THSD7A: variants seen among roughly 807,000 people sequenced by gnomAD.
THSD7A encodes thrombospondin type-1 domain-containing protein 7A.
THSD7A carries 96 observed loss-of-function variants against 231.3 expected under a neutral mutation model. The observed-to-expected ratio is 0.41, with a 90% CI of 0.35 to 0.49. The LOEUF (loss-of-function observed/expected upper bound fraction) is 0.49. Ranked by LOEUF, THSD7A falls within the 20% of genes least tolerant of loss-of-function variation. THSD7A has a pLI of 0.05. For missense variants in THSD7A, 2,290 were observed against 2,070.2 expected (o/e 1.11, Z -2.06); for synonymous variants, 940 against 743.3 (o/e 1.26, Z -4.30).
intron 23 of THSD7A, among the ~76,000 whole-genome samples, chr7:11,392,135 C>T (rs182652460): frequency 6.6e-6 from 1 of 152,106 alleles, no homozygotes. Flanking sequence ...TGCCAGCCTG[C>T]AGCTTCCAGT....
Position 11,406,283 on chromosome 7 carries a change from T to G in THSD7A, c.4237+17A>C, listed in dbSNP as rs756375799. The stretch of plus-strand genomic sequence containing the variant: ...GAAAAAATAATCAGAATATGAATTC[T>G]CCTTTGCCGTTGTTACCTGGGCAAG... On this transcript the variant is annotated intron_variant, in intron 22 of 27. Coordinates refer to ENST00000423059, the MANE Select transcript of THSD7A (RefSeq NM_015204.3). This position sits in a 1 kb window ranked among gnomAD's most constrained non-coding sequence, Gnocchi z 4.7. 1.1e-5 allele frequency: 17 copies of G among 1,591,400 alleles called. No individual in the cohort carries two copies. Among genetic ancestry groups the G allele is most frequent in the Non-Finnish European group, 1.2e-5 (14 of 1,170,278 alleles).
At chr7:11,437,862 T>C (rs560569061) in intron 13 of THSD7A, among the ~76,000 whole-genome samples, 3 of 152,062 alleles carry the variant, frequency 2.0e-5, no homozygotes, top group Non-Finnish European at 4.4e-5. Context: ...GGTTGAGTGG[T>C]CAGGTGGGTT....
intron 4 of THSD7A, among the ~76,000 whole-genome samples, chr7:11,558,977 G>C (rs1211684144): frequency 8.7e-6 from 1 of 114,304 alleles, no homozygotes; most frequent in Non-Finnish European, 2.0e-5. Flanking sequence ...AGATGAGATG[G>C]AAGAAAAAGG....
At chr7:11,395,455 C>G (rs532158847) in intron 23 of THSD7A, among the ~76,000 whole-genome samples, 12 of 151,800 alleles carry the variant, frequency 7.9e-5, no homozygotes, top group Non-Finnish European at 1.5e-4. Context: ...TTGAACTAAG[C>G]TGTGGACCAA....
chr7:11,747,423 T>A (rs1409610641), intron 1 of THSD7A, among the ~76,000 whole-genome samples: 1 of 151,984 alleles, frequency 6.6e-6, no homozygotes, highest in Non-Finnish European at 1.5e-5. Flanking sequence ...AATTTGAGAA[T>A]ACCAAAATAC....
At chr7:11,614,274 G>T (rs918744965) in intron 2 of THSD7A, among the ~76,000 whole-genome samples, 1 of 152,158 alleles carries the variant, frequency 6.6e-6, no homozygotes, top group Non-Finnish European at 1.5e-5. Flanking sequence ...CATAAATGGT[G>T]AGCGCTTCCA....
intron 2 of THSD7A, among the ~76,000 whole-genome samples, chr7:11,596,497 C>A (rs1333086511): frequency 6.6e-6 from 1 of 152,142 alleles, no homozygotes; most frequent in Non-Finnish European, 1.5e-5. Flanking sequence ...CGGACAGAAC[C>A]CCCACATTGG....
chr7:11,794,719 C>G (rs1451605503), intron 1 of THSD7A, among the ~76,000 whole-genome samples: 1 of 151,846 alleles, frequency 6.6e-6, no homozygotes, highest in Admixed American at 6.6e-5. Context: ...AAAAATAAGT[C>G]TTTTTGCCAG....
chr7:11,629,802 G>A (rs991651537), intron 2 of THSD7A, among the ~76,000 whole-genome samples: 2 of 152,192 alleles, frequency 1.3e-5, no homozygotes, highest in East Asian at 3.9e-4. Context: ...TGCCAAGAAA[G>A]ATATATAGGA....
intron 6 of THSD7A, among the ~76,000 whole-genome samples, chr7:11,508,188 A>G (rs1787637782): frequency 6.6e-6 from 1 of 152,226 alleles, no homozygotes; most frequent in Admixed American, 6.5e-5. Flanking sequence ...TACAATTTGG[A>G]TTACAATTCA....
At chr7:11,449,258 C>G (rs1284836240) in intron 11 of THSD7A, among the ~76,000 whole-genome samples, 1 of 152,040 alleles carries the variant, frequency 6.6e-6, no homozygotes, top group East Asian at 1.9e-4. Flanking sequence ...ATATTTTCAC[C>G]TGCATCAGAA....
At chr7:11,787,458 AG>A (rs1284049933) in intron 1 of THSD7A, among the ~76,000 whole-genome samples, 1 of 152,134 alleles carries the variant, frequency 6.6e-6, no homozygotes, top group Non-Finnish European at 1.5e-5. Flanking sequence ...CACTGCTAAA[AG>A]AATGAGAAGA....
intron 1 of THSD7A, among the ~76,000 whole-genome samples, chr7:11,646,902 G>A (rs761836074): frequency 6.6e-6 from 1 of 152,070 alleles, no homozygotes; most frequent in Non-Finnish European, 1.5e-5. Flanking sequence ...AAGAATAAGA[G>A]AAGGAGAAAT....
Position 11,474,565 on chromosome 7 carries a change from C to T in THSD7A, c.2021G>A (p.Gly674Glu), listed in dbSNP as rs918955133. The change falls in exon 8 of 28, where the codon GGA becomes GAA. Residue 674 changes from glycine to glutamate, a missense_variant. Transcript: ENST00000423059. The surrounding 1 kb of genome is among the most constrained non-coding windows in gnomAD (Gnocchi z 4.1). ...AGCACTGCTATTTGGACAGCGAATT[C>T]CACCTAAAAACATGGACAATGATAG... ...SILAYAGEEG[G>E]IRCPNSSALQ... is the part of the protein sequence containing the mutation. 6.3e-7 allele frequency: 1 copy of T among 1,586,216 alleles called. No individual in the cohort carries two copies.
intron 2 of THSD7A, among the ~76,000 whole-genome samples, chr7:11,605,015 A>C (rs751379737): frequency 6.6e-5 from 10 of 151,940 alleles, no homozygotes; most frequent in Non-Finnish European, 1.3e-4. Flanking sequence ...CGGTGGGACC[A>C]TGAGGACTGT....
At chr7:11,781,240 G>A (rs1486611134) in intron 1 of THSD7A, among the ~76,000 whole-genome samples, 4 of 151,472 alleles carry the variant, frequency 2.6e-5, no homozygotes, top group East Asian at 1.9e-4. Flanking sequence ...TGTACAAGCC[G>A]GGTGTTCAAG....
At position 11,705,651 on chromosome 7, in the gene THSD7A, T is replaced by G. The variant is rs539175401; in HGVS notation, c.191-68690A>C. On this transcript the variant is annotated intron_variant, in intron 1 of 27. Transcript: ENST00000423059. ...CAGTTTTTAGGTGTTACAATAAAAT[T>G]TGTACTATATTTTAGCTATACTTCA... is the stretch of plus-strand genomic sequence containing the variant. 2.6e-5 allele frequency among the ~76,000 whole-genome samples: 4 copies of G among 151,130 alleles called. No homozygotes were observed. The East Asian group carries it at 7.9e-4, about 30-fold the overall frequency.
At chr7:11,462,244 G>A in intron 9 of THSD7A, 101 bp from the exon 10 acceptor site, 1 of 1,316,784 alleles carries the variant, frequency 7.6e-7, no homozygotes, top group Non-Finnish European at 1.0e-6. Flanking sequence ...AGCTACATGT[G>A]CTTTGACATC....
At chr7:11,820,496 G>T in intron 1 of THSD7A, 1 of 944,092 alleles carries the variant, frequency 1.1e-6, no homozygotes, top group Non-Finnish European at 1.6e-6. Flanking sequence ...AATACTTCTT[G>T]CTTTTGGGTG....
Sources: gnomAD v4.1 joint callset for allele counts (sites outside exome capture counted in the v4.1 genomes callset) on GRCh38, gnomAD v4.1.1 for gene constraint, Gnocchi (gnomAD v3.1) non-coding constraint, MANE v1.5 for transcripts, NCBI Gene and HGNC (gene_info 2026-07-23, HGNC 2026-07-21) for gene names.